Variants in DOK6 observed in about 807,000 individuals in gnomAD.
The protein encoded by DOK6 is docking protein 6.
A neutral mutation model predicts 44.0 loss-of-function variants in DOK6; 22 were observed. That is an observed-to-expected ratio of 0.50 (90% CI 0.36 to 0.71). The LOEUF (loss-of-function observed/expected upper bound fraction) is 0.71. Among genes scored for constraint, DOK6 ranks in the 30% least tolerant of loss-of-function variants. The probability of loss-of-function intolerance (pLI) is 0.00; values close to 1 mark genes in which losing one functional copy is unlikely to be tolerated. For missense variants in DOK6, 340 were observed against 416.4 expected, an observed-to-expected ratio of 0.82 and a Z score of 1.60; for synonymous variants, 166 against 145.5, an observed-to-expected ratio of 1.14 and a Z score of -1.01.
rs566346291 is a variant in DOK6, at chr18:69,559,722, T to G, written c.67-4765T>G. Among the ~76,000 whole-genome samples, 8 of 152,254 alleles carry G rather than the reference T, an allele frequency of 5.3e-5. No individual in the cohort carries two copies. The South Asian group carries it at 1.0e-3, about 20-fold the overall frequency. On this transcript the variant is annotated intron_variant, in intron 1 of 7. Transcript: ENST00000382713. Reference sequence around the variant, plus strand: ...GTGGCTTGAACCACAGAAATTTATTTTTTCACAGTTCTGGAGTTTGCAAGT... The same window carrying G: ...GTGGCTTGAACCACAGAAATTTATTGTTTCACAGTTCTGGAGTTTGCAAGT...
At chr18:69,701,177 T>C (rs1329381635) in intron 5 of DOK6, among the ~76,000 whole-genome samples, 1 of 152,208 alleles carries the variant, frequency 6.6e-6, no homozygotes, top group Non-Finnish European at 1.5e-5. Context: ...CTTGTAATTA[T>C]AATTATATGC....
At chr18:69,591,383 C>T (rs1983618569) in intron 2 of DOK6, among the ~76,000 whole-genome samples, 1 of 152,098 alleles carries the variant, frequency 6.6e-6, no homozygotes, top group African/African-American at 2.4e-5. Context: ...GAATGACTGA[C>T]AGACAACCGT....
rs181195508 is a variant in DOK6, at chr18:69,695,078, A to G, written c.410-3326A>G. 2.8e-4 allele frequency among the ~76,000 whole-genome samples: 43 copies of G among 152,338 alleles called. 1 individual carries two copies. Among genetic ancestry groups the G allele is most frequent in the African/African-American group, 1.0e-3 (42 of 41,584 alleles). Reference sequence around the variant, plus strand: ...AAGTGTTCTTTTGTTCTGCTGGTACATGGCATCATTTTCCAAAGTCATTCC... The same window carrying G: ...AAGTGTTCTTTTGTTCTGCTGGTACGTGGCATCATTTTCCAAAGTCATTCC... On this transcript the variant is annotated intron_variant, in intron 4 of 7. Transcript: ENST00000382713.
In DOK6 at chr18:69,692,085, A is replaced by G. The variant is rs148790258; in HGVS notation, c.410-6319A>G. ...TTCTTACCCTGGAAAAGTCAAAAGC[A>G]AAAGAAAGTGGGGCGGTGGGGAGTC... On this transcript the variant is annotated intron_variant, in intron 4 of 7. Transcript: ENST00000382713. Among the ~76,000 whole-genome samples, 363 of 152,320 alleles carry G rather than the reference A, an allele frequency of 2.4e-3. 2 individuals carry two copies. Among genetic ancestry groups the G allele is most frequent in the African/African-American group, 8.2e-3 (342 of 41,576 alleles).
chr18:69,550,103 C>CA (rs1982522088), intron 1 of DOK6, among the ~76,000 whole-genome samples: 1 of 149,686 alleles, frequency 6.7e-6, no homozygotes, highest in Non-Finnish European at 1.5e-5. Context: ...ACATTTTTGA[C>CA]AAAAAATAAT....
At chr18:69,609,486 G>GAAAT (rs58206678) in intron 3 of DOK6, among the ~76,000 whole-genome samples, 8,459 of 148,198 alleles carry the variant, frequency 0.057, 294 homozygotes, top group South Asian at 0.12. Context: ...GCTATTACAA[G>GAAAT]AAATAAATAA....
At chr18:69,459,685 T>C (rs1267622115) in intron 1 of DOK6, among the ~76,000 whole-genome samples, 2 of 152,228 alleles carry the variant, frequency 1.3e-5, no homozygotes. Flanking sequence ...TTCATCACTG[T>C]ACTCAGAACT....
chr18:69,786,583 G>A (rs1980437490), intron 7 of DOK6, among the ~76,000 whole-genome samples: 1 of 152,276 alleles, frequency 6.6e-6, no homozygotes, highest in African/African-American at 2.4e-5. Context: ...GCACAATGAA[G>A]TGTTATTTCC....
At chr18:69,460,158 C>T (rs1489884905) in intron 1 of DOK6, among the ~76,000 whole-genome samples, 3 of 152,064 alleles carry the variant, frequency 2.0e-5, no homozygotes, top group African/African-American at 7.2e-5. Flanking sequence ...GGAGAAAATT[C>T]CTCATTACTA....
At chr18:69,774,291 C>T (rs957086486) in intron 7 of DOK6, among the ~76,000 whole-genome samples, 17 of 150,940 alleles carry the variant, frequency 1.1e-4, no homozygotes, top group South Asian at 2.1e-4. Context: ...CACTCATAAG[C>T]GGGAGCTAAG....
chr18:69,403,323 T>C (rs945367241), intron 1 of DOK6, among the ~76,000 whole-genome samples: 3 of 152,104 alleles, frequency 2.0e-5, no homozygotes, highest in African/African-American at 7.2e-5. Flanking sequence ...AATTATAACA[T>C]AGGGCCCAAG....
chr18:69,488,822 A>G (rs1386556575), intron 1 of DOK6, among the ~76,000 whole-genome samples: 2 of 152,190 alleles, frequency 1.3e-5, no homozygotes. Flanking sequence ...CAGCCATACC[A>G]TATCATCATG....
chr18:69,530,297 C>G (rs1981949036), intron 1 of DOK6, among the ~76,000 whole-genome samples: 1 of 152,072 alleles, frequency 6.6e-6, no homozygotes, highest in Admixed American at 6.5e-5. Context: ...ATATTGCAGG[C>G]ACTGGGCAGA....
At chr18:69,445,459 TC>T (rs1382126578) in intron 1 of DOK6, among the ~76,000 whole-genome samples, 1 of 152,182 alleles carries the variant, frequency 6.6e-6, no homozygotes, top group Non-Finnish European at 1.5e-5. Context: ...TTGAGGAAAT[TC>T]CCTTCTCTTC....
At chr18:69,604,095 C>T (rs2144625530) in intron 3 of DOK6, among the ~76,000 whole-genome samples, 1 of 152,156 alleles carries the variant, frequency 6.6e-6, no homozygotes, top group South Asian at 2.1e-4. Context: ...CTGAACCCTG[C>T]AATTATTTTT....
intron 1 of DOK6, among the ~76,000 whole-genome samples, chr18:69,408,285 G>C (rs1362113908): frequency 6.6e-6 from 1 of 152,116 alleles, no homozygotes. Flanking sequence ...TGTACTCAAT[G>C]CTAAGTTATT....
At chr18:69,419,553 G>A (rs1189799900) in intron 1 of DOK6, among the ~76,000 whole-genome samples, 1 of 152,102 alleles carries the variant, frequency 6.6e-6, no homozygotes, top group East Asian at 1.9e-4. Flanking sequence ...GGAATTAAAG[G>A]TGAAGTAAAT....
intron 1 of DOK6, among the ~76,000 whole-genome samples, chr18:69,563,224 A>C (rs1982882846): frequency 6.6e-6 from 1 of 152,192 alleles, no homozygotes; most frequent in Non-Finnish European, 1.5e-5. Flanking sequence ...TAGTTCAACC[A>C]TTGTGGAAGT....
intron 3 of DOK6, among the ~76,000 whole-genome samples, chr18:69,663,919 G>A (rs976652802): frequency 8.5e-5 from 13 of 152,110 alleles, no homozygotes; most frequent in African/African-American, 3.1e-4. Context: ...ATATTATAAA[G>A]TTTACTTTAA....
Sources: allele counts gnomAD v4.1 joint callset (sites outside exome capture counted in the v4.1 genomes callset), GRCh38; gene constraint gnomAD v4.1.1; transcripts MANE v1.5; gene names NCBI Gene and HGNC (gene_info 2026-07-23, HGNC 2026-07-21).